Variants in AFF3 observed in about 807,000 individuals in gnomAD.
AFF3 encodes the protein AF4/FMR2 family member 3.
A neutral mutation model predicts 129.7 loss-of-function variants in AFF3; 32 were observed. The observed-to-expected ratio is 0.25, with a 90% confidence interval of 0.19 to 0.33. The LOEUF is 0.33. Ranked by LOEUF, AFF3 falls within the 10% of genes least tolerant of loss-of-function variation. AFF3 has a pLI of 1.00. For missense variants in AFF3, 1,373 were observed against 1,592.0 expected (o/e 0.86, Z 2.34); for synonymous variants, 644 against 635.4 (o/e 1.01, Z -0.20).
At chr2:100,020,296 T>A (rs957894682) in intron 4 of AFF3, among the ~76,000 whole-genome samples, 3 of 152,018 alleles carry the variant, frequency 2.0e-5, no homozygotes, top group African/African-American at 7.2e-5. Context: ...CTCCTCAGTC[T>A]GCTTGCCATT....
At chr2:99,953,995 G>C (rs778654644) in intron 7 of AFF3, among the ~76,000 whole-genome samples, 1 of 152,218 alleles carries the variant, frequency 6.6e-6, no homozygotes. Flanking sequence ...CAGAGAGCCT[G>C]TATCTGGTAG....
intron 4 of AFF3, among the ~76,000 whole-genome samples, chr2:100,074,392 A>T (rs1573346871): frequency 6.6e-6 from 1 of 152,054 alleles, no homozygotes; most frequent in African/African-American, 2.4e-5. Context: ...TGCATGTCCA[A>T]CCCTGACCTC....
Position 100,045,465 on chromosome 2 carries a change from C to T in AFF3, c.54-36533G>A, listed in dbSNP as rs571624563. Among the ~76,000 whole-genome samples the T allele has an allele frequency of 1.1e-4, 16 of 152,238 alleles. No homozygotes were observed. The South Asian group carries it at 3.3e-3, about 32-fold the overall frequency. On this transcript the variant is annotated intron_variant, in intron 4 of 24. Transcript: ENST00000672756. ...CTGCCTTATGTCTTCCCCTTTAAGG[C>T]TATCAATGAATATTTATTATTTTAA... is the stretch of plus-strand genomic sequence containing the variant.
chr2:100,013,900 C>A (rs1374332606), intron 4 of AFF3, among the ~76,000 whole-genome samples: 1 of 152,108 alleles, frequency 6.6e-6, no homozygotes, highest in African/African-American at 2.4e-5. Flanking sequence ...CCAGCGAGGG[C>A]TACTGATGTC....
At chr2:99,749,794 C>T (rs1681479372) in intron 9 of AFF3, among the ~76,000 whole-genome samples, 1 of 152,178 alleles carries the variant, frequency 6.6e-6, no homozygotes, top group Non-Finnish European at 1.5e-5. Context: ...AGCTTCTTGA[C>T]CTCTGATTCG....
At chr2:99,848,368 T>C (rs145580979) in intron 7 of AFF3, among the ~76,000 whole-genome samples, 52 of 152,312 alleles carry the variant, frequency 3.4e-4, no homozygotes, top group Admixed American at 9.2e-4. Flanking sequence ...ATGCAGATAT[T>C]CCTGCTTCAA....
intron 12 of AFF3, among the ~76,000 whole-genome samples, chr2:99,657,621 C>T (rs6749900): frequency 0.083 from 12,563 of 152,246 alleles, 1,703 homozygotes; most frequent in African/African-American, 0.28. Context: ...ATTTTTTTCA[C>T]ATCTGTGTAT....
At chr2:99,723,643 T>C (rs1679103796) in intron 11 of AFF3, among the ~76,000 whole-genome samples, 1 of 152,204 alleles carries the variant, frequency 6.6e-6, no homozygotes, top group Non-Finnish European at 1.5e-5. Context: ...CAGAAATCTG[T>C]GTACCCCTGG....
rs1683956827 is a variant in AFF3 at position 99,777,024 on chromosome 2, AC to A, written c.922-24724del. ...CAGTTGGGGAGATAGGAATCTACAAACACACATATGCTAAAGCACAACAGTC... is the reference window on the plus strand; with the variant it reads ...CAGTTGGGGAGATAGGAATCTACAAAACACATATGCTAAAGCACAACAGTC... On this transcript the variant is annotated intron_variant, in intron 8 of 24. Transcript: ENST00000672756. 3.3e-5 allele frequency among the ~76,000 whole-genome samples: 5 copies of A among 152,330 alleles called. No homozygotes were observed. In the South Asian group the frequency reaches 8.3e-4, roughly 25 times the overall value.
At chr2:99,642,117 A>G (rs1684257756) in intron 13 of AFF3, among the ~76,000 whole-genome samples, 1 of 152,240 alleles carries the variant, frequency 6.6e-6, no homozygotes. Context: ...AGTCATGTCA[A>G]CGGTACGAAG....
At chr2:99,736,736 A>G (rs1355468229) in intron 10 of AFF3, among the ~76,000 whole-genome samples, 2 of 151,606 alleles carry the variant, frequency 1.3e-5, no homozygotes, top group African/African-American at 4.9e-5. Context: ...CAGCCTCCTG[A>G]GTAGCTAGGA....
At chr2:99,599,553 G>A (rs1679617769) in intron 14 of AFF3, among the ~76,000 whole-genome samples, 3 of 152,162 alleles carry the variant, frequency 2.0e-5, no homozygotes, top group Admixed American at 6.5e-5. Context: ...ACTGCGCCCG[G>A]CCAACTGTAC....
intron 13 of AFF3, among the ~76,000 whole-genome samples, chr2:99,606,813 C>T (rs949222086): frequency 1.4e-5 from 2 of 146,728 alleles, no homozygotes; most frequent in African/African-American, 2.5e-5. Context: ...ACTCAGGAGG[C>T]TGAGGCAGGA....
intron 7 of AFF3, among the ~76,000 whole-genome samples, chr2:99,950,074 A>T (rs1675999867): frequency 6.6e-6 from 1 of 152,212 alleles, no homozygotes; most frequent in South Asian, 2.1e-4. Flanking sequence ...TAAAACATCC[A>T]ATCTCTGACA....
At chr2:99,790,604 T>C (rs1685126232) in intron 8 of AFF3, among the ~76,000 whole-genome samples, 1 of 152,190 alleles carries the variant, frequency 6.6e-6, no homozygotes, top group African/African-American at 2.4e-5. Flanking sequence ...TCTGGAGATA[T>C]GTTTGGTTGT....
chr2:100,046,784 C>T (rs1685869700), intron 4 of AFF3, among the ~76,000 whole-genome samples: 1 of 152,078 alleles, frequency 6.6e-6, no homozygotes, highest in Admixed American at 6.5e-5. Context: ...ACCAGACTCC[C>T]ACACACTCTC....
chr2:99,812,620 T>C (rs1366856699), intron 8 of AFF3, among the ~76,000 whole-genome samples: 1 of 152,210 alleles, frequency 6.6e-6, no homozygotes, highest in South Asian at 2.1e-4. Flanking sequence ...TGTGACTCCC[T>C]TTCTTAATTG....
chr2:99,872,594 A>AAAAAT (rs369133072), intron 7 of AFF3, among the ~76,000 whole-genome samples: 29,218 of 125,872 alleles, frequency 0.23, 3,256 homozygotes, highest in African/African-American at 0.28. Flanking sequence ...TGCTTCTTAC[A>AAAAAT]AAAATAAAAT....
chr2:99,878,299 T>C (rs1364820723), intron 7 of AFF3, among the ~76,000 whole-genome samples: 2 of 152,268 alleles, frequency 1.3e-5, no homozygotes, highest in Middle Eastern at 3.4e-3. Context: ...ATTACAACTT[T>C]GGGGAGAAAC....
Sources: gnomAD v4.1 joint callset for allele counts (sites outside exome capture counted in the v4.1 genomes callset) on GRCh38, gnomAD v4.1.1 for gene constraint, MANE v1.5 for transcripts, NCBI Gene and HGNC (gene_info 2026-07-23, HGNC 2026-07-21) for gene names.